Variants in OMA1 observed in about 807,000 individuals in gnomAD.
OMA1 encodes the protein metalloendopeptidase OMA1, mitochondrial.
In OMA1, 38 loss-of-function variants were observed where a neutral mutation model predicts 30.9. The ratio of observed to expected loss-of-function variants is 1.23; its 90% CI spans 0.95 to 1.61. OMA1 has a LOEUF of 1.61. Among genes scored for constraint, OMA1 ranks in the 40% most tolerant of loss-of-function variants. The pLI, the probability that OMA1 is intolerant of heterozygous loss-of-function variation, is 0.00. For synonymous variants in OMA1, 173 were observed against 121.9 expected, an observed-to-expected ratio of 1.42 and a Z score of -2.76; for missense variants, 461 against 349.2, an observed-to-expected ratio of 1.32 and a Z score of -2.55.
intron 8 of OMA1, among the ~76,000 whole-genome samples, chr1:58,487,261 A>C (rs575682074): frequency 1.3e-5 from 2 of 152,362 alleles, no homozygotes; most frequent in Admixed American, 1.3e-4. Flanking sequence ...ACAGAAGTGA[A>C]GGAAAGAGGA....
At chr1:58,528,913 G>C (rs1646391360) in intron 6 of OMA1, among the ~76,000 whole-genome samples, 1 of 152,122 alleles carries the variant, frequency 6.6e-6, no homozygotes, top group Non-Finnish European at 1.5e-5. Flanking sequence ...GAATTACAGT[G>C]AAGTGGCAGA....
At chr1:58,501,207 T>C (rs1315504683) in intron 8 of OMA1, among the ~76,000 whole-genome samples, 2 of 152,188 alleles carry the variant, frequency 1.3e-5, no homozygotes, top group Non-Finnish European at 2.9e-5. Flanking sequence ...TTTAGGCAAT[T>C]TATACATGTT....
chr1:58,515,270 T>C (rs1373143535), intron 7 of OMA1, among the ~76,000 whole-genome samples: 3 of 152,166 alleles, frequency 2.0e-5, no homozygotes, highest in African/African-American at 7.2e-5. Context: ...CATTTGCCAA[T>C]CCCTCACACC....
At chr1:58,521,059 C>T (rs1363977035) in intron 7 of OMA1, among the ~76,000 whole-genome samples, 1 of 152,126 alleles carries the variant, frequency 6.6e-6, no homozygotes, top group African/African-American at 2.4e-5. Flanking sequence ...AAGCAAGACC[C>T]AACCCTTTTC....
rs1270900790 is a variant in OMA1 at position 58,523,765 on chromosome 1, G to C, written c.1215+3496C>G. 3.9e-5 allele frequency among the ~76,000 whole-genome samples: 6 copies of C among 152,144 alleles called. No individual in the cohort carries two copies. In the East Asian group the frequency reaches 9.6e-4, roughly 24 times the overall value. On this transcript the variant is annotated intron_variant, in intron 7 of 8. Transcript: ENST00000371226. ...ACACAAAAAATTAGCCGGGCATGGT[G>C]GTGGGTGCCTGTAATTCCAGCTACT...
chr1:58,505,842 A>G (rs1645979822), intron 8 of OMA1, among the ~76,000 whole-genome samples: 1 of 152,238 alleles, frequency 6.6e-6, no homozygotes, highest in East Asian at 1.9e-4. Flanking sequence ...TTCACTATTA[A>G]GAAAAGTCAA....
chr1:58,541,293 C>CAAAAAAAAAA (rs71043292), intron 1 of OMA1, among the ~76,000 whole-genome samples: 1 of 27,572 alleles, frequency 3.6e-5, no homozygotes, highest in African/African-American at 1.1e-4. Flanking sequence ...GACTCTGTCT[C>CAAAAAAAAAA]AAAAAAAAAA....
chr1:58,528,923 A>C (rs1646391600), intron 6 of OMA1, among the ~76,000 whole-genome samples: 1 of 152,228 alleles, frequency 6.6e-6, no homozygotes, highest in Non-Finnish European at 1.5e-5. Flanking sequence ...GAAGTGGCAG[A>C]ATTTATCAAG....
At chr1:58,498,476 T>C (rs775422594) in intron 8 of OMA1, among the ~76,000 whole-genome samples, 1 of 152,078 alleles carries the variant, frequency 6.6e-6, no homozygotes, top group Non-Finnish European at 1.5e-5. Context: ...GCCTAAGGAG[T>C]TAGGTGTCAA....
intron 1 of OMA1, among the ~76,000 whole-genome samples, chr1:58,540,613 G>A (rs1458821513): frequency 1.3e-5 from 2 of 149,116 alleles, no homozygotes; most frequent in Non-Finnish European, 3.0e-5. Flanking sequence ...CATACTAGAT[G>A]AGACTAACAG....
chr1:58,516,284 T>C (rs917362948), intron 7 of OMA1, among the ~76,000 whole-genome samples: 4 of 152,212 alleles, frequency 2.6e-5, no homozygotes, highest in African/African-American at 9.6e-5. Flanking sequence ...AAGAAACTGT[T>C]ACGAAAAAAT....
At chr1:58,500,450 A>G (rs912464556) in intron 8 of OMA1, among the ~76,000 whole-genome samples, 1 of 152,190 alleles carries the variant, frequency 6.6e-6, no homozygotes, top group African/African-American at 2.4e-5. Flanking sequence ...ACTTTGTCCA[A>G]TTATAAACGT....
At chr1:58,541,286 T>C (rs1472306809) in intron 1 of OMA1, among the ~76,000 whole-genome samples, 5 of 54,870 alleles carry the variant, frequency 9.1e-5, no homozygotes, top group African/African-American at 2.9e-4. Context: ...AGAGTGAGAC[T>C]CTGTCTCAAA....
At chr1:58,487,382 A>G (rs138817057) in intron 8 of OMA1, among the ~76,000 whole-genome samples, 315 of 152,362 alleles carry the variant, frequency 2.1e-3, no homozygotes, top group Non-Finnish European at 3.3e-3. Flanking sequence ...TTACTGTAAT[A>G]TAATATCGTA....
Position 58,533,995 on chromosome 1 carries a change from G to GA in OMA1, c.968dup (p.Leu324ProfsTer5), listed in dbSNP as rs1235614504. On this transcript the variant is annotated frameshift_variant, in exon 5 of 9. Coordinates refer to ENST00000371226, the MANE Select transcript of OMA1 (RefSeq NM_145243.5). LOFTEE classifies it high-confidence loss of function. ...CATGTGCTATTTCATGGCCCAGAAG[G>GA]AAAGAAAGTTGATGAATATCGGTTA... is the stretch of plus-strand genomic sequence containing the variant. The GA allele has an allele frequency of 1.1e-6, 1 of 871,602 alleles. No individual in the cohort carries two copies. Among genetic ancestry groups the GA allele is most frequent in the Non-Finnish European group, 2.0e-6 (1 of 501,394 alleles). The allele number at this position is 871,602 out of a possible 1,614,324, so 54.0% of individuals were successfully genotyped here.
intron 1 of OMA1, chr1:58,542,411 T>C (rs1034009527): frequency 2.0e-5 from 3 of 152,246 alleles, no homozygotes; most frequent in East Asian, 1.9e-4. Flanking sequence ...TATAATCTAG[T>C]TGGGGAGACA....
intron 8 of OMA1, among the ~76,000 whole-genome samples, chr1:58,493,483 G>A (rs2100384264): frequency 6.6e-6 from 1 of 151,720 alleles, no homozygotes; most frequent in African/African-American, 2.4e-5. Flanking sequence ...AATTGTCCCT[G>A]TTTGCAGATG....
At chr1:58,541,630 AAAAAAAAAAAAC>A (rs1263824760) in intron 1 of OMA1, 4 of 130,910 alleles carry the variant, frequency 3.1e-5, no homozygotes, top group East Asian at 4.1e-4. Flanking sequence ...AAAAAAAAAA[AAAAAAAAAAAAC>A]CAAAAACAAA....
At chr1:58,535,755 G>A (rs1646506850) in intron 3 of OMA1, among the ~76,000 whole-genome samples, 1 of 151,974 alleles carries the variant, frequency 6.6e-6, no homozygotes, top group African/African-American at 2.4e-5. Context: ...AACTCACTAG[G>A]GTACAAAATG....
Sources: gnomAD v4.1 joint callset for allele counts (sites outside exome capture counted in the v4.1 genomes callset) on GRCh38, gnomAD v4.1.1 for gene constraint, MANE v1.5 for transcripts, NCBI Gene and HGNC (gene_info 2026-07-23, HGNC 2026-07-21) for gene names.